The following ABCA6 variants were observed in gnomAD, a reference collection of about 807,000 sequenced individuals.
ABCA6 encodes ATP-binding cassette sub-family A member 6.
In ABCA6, 164 loss-of-function variants were observed where a neutral mutation model predicts 191.2. The ratio of observed to expected loss-of-function variants is 0.86; its 90% confidence interval spans 0.76 to 0.98. The LOEUF (loss-of-function observed/expected upper bound fraction) is 0.98, where lower values mean the gene tolerates loss of function less well. Among genes scored for constraint, ABCA6 ranks in the 50% least tolerant of loss-of-function variants. The pLI, the probability that ABCA6 is intolerant of heterozygous loss-of-function variation, is 0.00. For missense variants in ABCA6, 1,958 were observed against 1,894.1 expected, an observed-to-expected ratio of 1.03 and a Z score of -0.63; for synonymous variants, 636 against 647.7, an observed-to-expected ratio of 0.98 and a Z score of 0.27.
chr17:69,100,645 G>T, intron 22 of ABCA6, 152 bp downstream of exon 22: 1 of 754,554 alleles, frequency 1.3e-6, no homozygotes, highest in Non-Finnish European at 1.8e-6. Flanking sequence ...AAAAAATCCT[G>T]TTTTGTTTGC....
chr17:69,084,752 T>C (rs1297360752), intron 32 of ABCA6, among the ~76,000 whole-genome samples: 1 of 152,148 alleles, frequency 6.6e-6, no homozygotes, highest in Non-Finnish European at 1.5e-5. Context: ...GATTATTTCA[T>C]TTCCAGGTTT....
chr17:69,119,495 A>G (rs994886127), intron 10 of ABCA6, among the ~76,000 whole-genome samples: 1 of 151,996 alleles, frequency 6.6e-6, no homozygotes, highest in African/African-American at 2.4e-5. Context: ...TTCACACAGG[A>G]AACAGGGTGA....
At position 69,085,078 on chromosome 17, in the gene ABCA6, A is replaced by G. The variant is rs780781581; in HGVS notation, c.4134T>C (p.Tyr1378=). Residue 1378 remains tyrosine, a synonymous_variant, in exon 32 of 39, where the codon TAT becomes TAC. Coordinates refer to ENST00000284425, the MANE Select transcript of ABCA6 (RefSeq NM_080284.3). ...CTTTCCTGAGCCCCTTGACGGCAGC[A>G]TACACCTCCAGGTGTTCCCTCAACG... is the stretch of plus-strand genomic sequence containing the variant. ...MLTLREHLEV[Y]AAVKGLRKAD... 3.7e-6 allele frequency: 6 copies of G among 1,613,766 alleles called. No individual in the cohort carries two copies. The highest frequency in any genetic ancestry group is 5.1e-6 in the Non-Finnish European group (6 of 1,179,888).
At chr17:69,101,128 C>T (rs1166540107) in intron 21 of ABCA6, among the ~76,000 whole-genome samples, 194 bp from the exon 22 acceptor site, 1 of 152,146 alleles carries the variant, frequency 6.6e-6, no homozygotes, top group Non-Finnish European at 1.5e-5. Context: ...GCTTAAATGA[C>T]ACTCTATTCA....
At chr17:69,118,932 T>C (rs2144685316) in intron 10 of ABCA6, among the ~76,000 whole-genome samples, 1 of 152,094 alleles carries the variant, frequency 6.6e-6, no homozygotes, top group South Asian at 2.1e-4. Context: ...TCTCTGTCTC[T>C]CTCACACACA....
At chr17:69,086,543 A>G in intron 30 of ABCA6, 75 bp downstream of exon 30, 1 of 744,108 alleles carries the variant, frequency 1.3e-6, no homozygotes, top group South Asian at 1.9e-5. Flanking sequence ...AGCGAGTAAA[A>G]CTGTGCCTAT....
At chr17:69,107,302 T>C (rs1453765640) in intron 18 of ABCA6, among the ~76,000 whole-genome samples, 1 of 152,196 alleles carries the variant, frequency 6.6e-6, no homozygotes, top group Non-Finnish European at 1.5e-5. Flanking sequence ...CATTAAAATA[T>C]ACAAGAGTGG....
At position 69,105,316 on chromosome 17, in the gene ABCA6, G is replaced by T; in HGVS notation, c.2740+146C>A. The T allele has an allele frequency of 5.2e-6, 4 of 770,380 alleles. 1 individual carries two copies. In the South Asian group the frequency reaches 7.9e-5, roughly 15 times the overall value. The allele number at this position is 770,380 out of a possible 1,614,324, so 47.7% of individuals were successfully genotyped here. On this transcript the variant is annotated intron_variant, in intron 20 of 38. Coordinates refer to ENST00000284425, the MANE Select transcript of ABCA6 (RefSeq NM_080284.3). ...TCATCTCCAAAATCAGAGTAAATCT[G>T]CACTGTTCCTCATAAGGTGTTTTCT...
At position 69,102,905 on chromosome 17, in the gene ABCA6, T is replaced by C; in HGVS notation, c.2804A>G (p.Asp935Gly). Residue 935 changes from aspartate (D) to glycine (G), a missense_variant, in exon 21 of 39, where the codon GAC becomes GGC. Asp to Gly is a moderately conservative substitution (Grantham distance 94). Coordinates refer to ENST00000284425, the MANE Select transcript of ABCA6 (RefSeq NM_080284.3). ...KHQNILLEVDDFENRNGTDGL... is the reference protein window; with the variant it reads ...KHQNILLEVDGFENRNGTDGL... ...ATCAGTACCATTTCTGTTTTCAAAG[T>C]CATCTACTTCCAAAAGTATATTTTG... 1.9e-6 allele frequency: 3 copies of C among 1,594,948 alleles called. No individual in the cohort carries two copies. Among genetic ancestry groups the C allele is most frequent in the Non-Finnish European group, 2.6e-6 (3 of 1,168,988 alleles).
At chr17:69,092,861 T>G (rs1395064169) in intron 25 of ABCA6, among the ~76,000 whole-genome samples, 1 of 152,238 alleles carries the variant, frequency 6.6e-6, no homozygotes, top group African/African-American at 2.4e-5. Flanking sequence ...TGATACTAGC[T>G]GTACAATGAT....
At position 69,084,526 on chromosome 17, in the gene ABCA6, A is replaced by G. The variant is rs773629916; in HGVS notation, c.4185-19T>C. ...CACTAATCTGACAGAAAACAGAATG[A>G]GAATATCTGGTCAAGACAAGGTTTT... On this transcript the variant is annotated intron_variant, in intron 32 of 38. Transcript: ENST00000284425. The G allele has an allele frequency of 9.9e-6, 16 of 1,612,892 alleles. 1 individual carries two copies. The South Asian group carries it at 1.6e-4, about 17-fold the overall frequency.
chr17:69,114,499 G>A (rs1359527868), intron 13 of ABCA6, among the ~76,000 whole-genome samples: 1 of 151,846 alleles, frequency 6.6e-6, no homozygotes, highest in African/African-American at 2.4e-5. Flanking sequence ...CACCAACATG[G>A]CACATGTATA....
At chr17:69,111,933 C>A in intron 16 of ABCA6, 1 of 394,138 alleles carries the variant, frequency 2.5e-6, no homozygotes, top group Non-Finnish European at 4.6e-6. Flanking sequence ...GAACAGCTAC[C>A]TAGAAAAGTG....
At chr17:69,081,783 T>C (rs1288542518) in intron 36 of ABCA6, among the ~76,000 whole-genome samples, 2 of 152,228 alleles carry the variant, frequency 1.3e-5, no homozygotes, top group Admixed American at 6.5e-5. Flanking sequence ...GGAATCTCCT[T>C]GATTCCCCCT....
chr17:69,114,885 T>A lies in ABCA6; in HGVS notation c.1659A>T (p.Glu553Asp), dbSNP rs72850817. ...GACAGACGCCAGTTATCTTTCTGAT[T>A]TCCTCCAAGTCTTGCATTTCAGAGA... is the stretch of plus-strand genomic sequence containing the variant. ...KNLSEMQDLE[E>D]IRKITGVCPQ... Residue 553 changes from glutamate (E) to aspartate (D), a missense_variant, in exon 13 of 39, where the codon GAA becomes GAT. Physicochemically the swap from Glu to Asp is conservative, Grantham distance 45. Coordinates refer to ENST00000284425, the MANE Select transcript of ABCA6 (RefSeq NM_080284.3). 3 of 1,612,518 alleles carry A rather than the reference T, an allele frequency of 1.9e-6. No homozygotes were observed. The highest frequency in any genetic ancestry group is 2.5e-6 in the Non-Finnish European group (3 of 1,179,022).
intron 37 of ABCA6, 39 bp downstream of exon 37, chr17:69,081,027 G>A: frequency 8.1e-7 from 1 of 1,239,952 alleles, no homozygotes; most frequent in Non-Finnish European, 1.1e-6. Flanking sequence ...AGTATTAGTT[G>A]ATTCTTCAAA....
Position 69,085,074 on chromosome 17 carries a change from C to T in ABCA6, c.4138G>A (p.Ala1380Thr). The T allele has an allele frequency of 1.2e-6, 2 of 1,613,648 alleles. No homozygotes were observed. The highest frequency in any genetic ancestry group is 4.5e-5 in the East Asian group (2 of 44,824). The change falls in exon 32 of 39, where the codon GCC (alanine) becomes ACC (threonine). Residue 1380 changes from alanine to threonine, a missense_variant. By Grantham distance (58) the Ala-to-Thr change is moderately conservative. Transcript: ENST00000284425. ...TCCGCTTTCCTGAGCCCCTTGACGG[C>T]AGCATACACCTCCAGGTGTTCCCTC... ...TLREHLEVYA[A>T]VKGLRKADAR...
intron 28 of ABCA6, among the ~76,000 whole-genome samples, chr17:69,087,780 C>T (rs896041477): frequency 6.6e-6 from 1 of 152,196 alleles, no homozygotes; most frequent in African/African-American, 2.4e-5. Context: ...CTGAGCTCAT[C>T]TTCATCACAC....
chr17:69,133,505 A>G, intron 6 of ABCA6, 136 bp downstream of exon 6: 1 of 670,258 alleles, frequency 1.5e-6, no homozygotes, highest in Non-Finnish European at 2.5e-6. Flanking sequence ...TAACAGACTA[A>G]GTAAAAAACT....
Sources: gnomAD v4.1 joint callset for allele counts (sites outside exome capture counted in the v4.1 genomes callset) on GRCh38, gnomAD v4.1.1 for gene constraint, MANE v1.5 for transcripts, NCBI Gene and HGNC (gene_info 2026-07-23, HGNC 2026-07-21) for gene names.